ADGRG7: variants seen among roughly 807,000 people sequenced by gnomAD.
ADGRG7 encodes adhesion G protein-coupled receptor G7.
ADGRG7 carries 82 observed loss-of-function variants against 88.6 expected under a neutral mutation model. That is an observed-to-expected ratio of 0.93 (90% CI 0.77 to 1.11). ADGRG7 has a LOEUF of 1.11. Ranked by LOEUF, ADGRG7 falls within the 50% of genes most tolerant of loss-of-function variation. The pLI is 0.00. For missense variants in ADGRG7, 945 were observed against 953.4 expected (o/e 0.99, Z 0.12); for synonymous variants, 381 against 345.2 (o/e 1.10, Z -1.15).
intron 1 of ADGRG7, among the ~76,000 whole-genome samples, chr3:100,622,179 G>T (rs1363181289): frequency 6.6e-6 from 1 of 151,860 alleles, no homozygotes; most frequent in Admixed American, 6.6e-5. Context: ...CCCTGTACTA[G>T]AGTTTTATAG....
intron 15 of ADGRG7, among the ~76,000 whole-genome samples, chr3:100,673,043 A>G (rs2094960662): frequency 6.6e-6 from 1 of 152,016 alleles, no homozygotes. Flanking sequence ...TGTCTCTGCT[A>G]GGTTTTGGAA....
intron 4 of ADGRG7, among the ~76,000 whole-genome samples, chr3:100,633,710 T>TG (rs1363774535): frequency 6.6e-6 from 1 of 152,010 alleles, no homozygotes. Flanking sequence ...TTAATAGAGA[T>TG]GGGGTTTCAC....
intron 11 of ADGRG7, among the ~76,000 whole-genome samples, chr3:100,652,986 C>T (rs141707561): frequency 2.6e-5 from 4 of 152,284 alleles, no homozygotes; most frequent in Admixed American, 6.5e-5. Flanking sequence ...GATAGTCCTT[C>T]GGAATGATTT....
At chr3:100,672,549 C>A (rs1282903274) in intron 15 of ADGRG7, among the ~76,000 whole-genome samples, 1 of 152,126 alleles carries the variant, frequency 6.6e-6, no homozygotes, top group Non-Finnish European at 1.5e-5. Context: ...CCCTTTATTT[C>A]TTTCTCTTGC....
chr3:100,649,864 C>T, intron 11 of ADGRG7, 57 bp downstream of exon 11: 2 of 968,866 alleles, frequency 2.1e-6, no homozygotes, highest in Non-Finnish European at 1.6e-6. Context: ...ATATAATTTA[C>T]TCTGAGAATT....
At chr3:100,615,749 G>T (rs1707215877) in intron 1 of ADGRG7, among the ~76,000 whole-genome samples, 1 of 152,112 alleles carries the variant, frequency 6.6e-6, no homozygotes, top group South Asian at 2.1e-4. Flanking sequence ...CTTTCTTGAG[G>T]AAAAATCACA....
intron 13 of ADGRG7, among the ~76,000 whole-genome samples, chr3:100,659,110 A>G (rs1405918522): frequency 6.6e-6 from 1 of 152,284 alleles, no homozygotes; most frequent in African/African-American, 2.4e-5. Context: ...TAACTTTTTC[A>G]AACTCTTTTT....
chr3:100,635,255 T>G (rs565492185), intron 4 of ADGRG7, among the ~76,000 whole-genome samples: 1 of 152,030 alleles, frequency 6.6e-6, no homozygotes, highest in Admixed American at 6.5e-5. Flanking sequence ...ACTGGAAAAA[T>G]GAAATAAAAA....
intron 15 of ADGRG7, among the ~76,000 whole-genome samples, chr3:100,669,492 C>T (rs1173265524): frequency 1.5e-5 from 2 of 136,672 alleles, no homozygotes; most frequent in African/African-American, 5.5e-5. Context: ...TGAGATCGCG[C>T]CACCGCACTC....
At chr3:100,627,510 T>G (rs977360937) in intron 1 of ADGRG7, among the ~76,000 whole-genome samples, 4 of 152,210 alleles carry the variant, frequency 2.6e-5, no homozygotes, top group African/African-American at 9.6e-5. Context: ...ACGTGATTTA[T>G]TGGCCTGTAA....
At chr3:100,629,772 T>C in intron 2 of ADGRG7, 61 bp downstream of exon 2, 1 of 1,109,396 alleles carries the variant, frequency 9.0e-7, no homozygotes, top group Non-Finnish European at 1.4e-6. Flanking sequence ...TTAATAAGAA[T>C]AGCAATAAAG....
chr3:100,628,009 T>C (rs1707404485), intron 1 of ADGRG7, among the ~76,000 whole-genome samples: 1 of 152,160 alleles, frequency 6.6e-6, no homozygotes, highest in Admixed American at 6.6e-5. Flanking sequence ...GAGTAATTTC[T>C]ACACAAACTT....
At chr3:100,655,862 A>G (rs2094936840) in intron 12 of ADGRG7, 37 bp from the exon 13 acceptor site, 3 of 1,172,834 alleles carry the variant, frequency 2.6e-6, no homozygotes, top group Non-Finnish European at 3.8e-6. Flanking sequence ...CCAAGTCTGG[A>G]TAAATCATTA....
chr3:100,611,345 G>A (rs7624452), intron 1 of ADGRG7, among the ~76,000 whole-genome samples: 77,056 of 136,230 alleles, frequency 0.57, 21,905 homozygotes, highest in South Asian at 0.77. Flanking sequence ...CCTTCCCCCC[G>A]TTCCTTTTTT....
At chr3:100,694,564 T>A (rs1037000200) in intron 15 of ADGRG7, among the ~76,000 whole-genome samples, 180 bp from the exon 16 acceptor site, 14 of 152,216 alleles carry the variant, frequency 9.2e-5, no homozygotes, top group Admixed American at 7.8e-4. Flanking sequence ...TCTTTGTATA[T>A]GGGAAAACTT....
At chr3:100,672,157 T>C (rs1390136199) in intron 15 of ADGRG7, among the ~76,000 whole-genome samples, 1 of 152,236 alleles carries the variant, frequency 6.6e-6, no homozygotes, top group Non-Finnish European at 1.5e-5. Context: ...AGTATGGCCA[T>C]TTTCATGATA....
At chr3:100,687,218 A>G (rs997234720) in intron 15 of ADGRG7, among the ~76,000 whole-genome samples, 5 of 152,208 alleles carry the variant, frequency 3.3e-5, no homozygotes, top group East Asian at 1.9e-4. Flanking sequence ...ATTTTTGCAC[A>G]TTGATTTTGT....
At chr3:100,688,265 C>T (rs1386040015) in intron 15 of ADGRG7, among the ~76,000 whole-genome samples, 1 of 152,124 alleles carries the variant, frequency 6.6e-6, no homozygotes, top group African/African-American at 2.4e-5. Flanking sequence ...ATTCTTCTCT[C>T]TTTTCTTCTT....
Position 100,659,819 on chromosome 3 carries a change from G to A in ADGRG7, c.1955G>A (p.Trp652Ter). ...ATTACAATCTCGATCAAAGTGCTGT[G>A]GAAGAATAACCAGAACCTGACAAGG... ...MFITISIKVL[W>*]KNNQNLTSTK... Residue 652 changes from tryptophan (W) to a stop codon, truncating the protein, a stop_gained, in exon 14 of 16, where the codon TGG (tryptophan) becomes TAG (stop). Coordinates refer to ENST00000273352, the MANE Select transcript of ADGRG7 (RefSeq NM_032787.3). LOFTEE classifies it high-confidence loss of function. The A allele has an allele frequency of 6.2e-7, 1 of 1,613,788 alleles. No homozygotes were observed. Among genetic ancestry groups the A allele is most frequent in the Non-Finnish European group, 8.5e-7 (1 of 1,179,874 alleles).
Sources: allele counts gnomAD v4.1 joint callset (sites outside exome capture counted in the v4.1 genomes callset), GRCh38; gene constraint gnomAD v4.1.1; transcripts MANE v1.5; gene names NCBI Gene and HGNC (gene_info 2026-07-23, HGNC 2026-07-21).